PPFIA2: variants seen among roughly 807,000 people sequenced by gnomAD.
PPFIA2 encodes the protein liprin-alpha-2.
In PPFIA2, 46 loss-of-function variants were observed where a neutral mutation model predicts 175.5. The ratio of observed to expected loss-of-function variants is 0.26; its 90% confidence interval spans 0.21 to 0.34. PPFIA2 has a LOEUF of 0.34. PPFIA2 is among the 10% of genes least tolerant of loss of function. The probability of loss-of-function intolerance (pLI) is 1.00; values close to 1 mark genes in which losing one functional copy is unlikely to be tolerated. For missense variants in PPFIA2, 1,179 were observed against 1,506.1 expected (o/e 0.78, Z 3.60); for synonymous variants, 568 against 511.4 (o/e 1.11, Z -1.49).
At chr12:81,666,711 T>G (rs1031088157) in intron 4 of PPFIA2, among the ~76,000 whole-genome samples, 12 of 152,058 alleles carry the variant, frequency 7.9e-5, no homozygotes, top group African/African-American at 2.4e-4. Flanking sequence ...TGTATACATA[T>G]GTAACTAACC....
chr12:81,726,558 T>C (rs1316264271), intron 3 of PPFIA2, among the ~76,000 whole-genome samples: 1 of 151,330 alleles, frequency 6.6e-6, no homozygotes, highest in Non-Finnish European at 1.5e-5. Flanking sequence ...TTTGGGAATG[T>C]TCATAGTTGA....
At chr12:81,584,069 T>A (rs980159960) in intron 4 of PPFIA2, among the ~76,000 whole-genome samples, 2 of 152,054 alleles carry the variant, frequency 1.3e-5, no homozygotes, top group Non-Finnish European at 2.9e-5. Flanking sequence ...TCTATTAAAA[T>A]ATTTGTTTTA....
chr12:81,503,336 A>G (rs539246145), intron 4 of PPFIA2, among the ~76,000 whole-genome samples: 5 of 152,242 alleles, frequency 3.3e-5, no homozygotes, highest in African/African-American at 1.2e-4. Flanking sequence ...GTCCAAAAAA[A>G]CAAAACAAAA....
intron 7 of PPFIA2, among the ~76,000 whole-genome samples, chr12:81,415,696 C>T (rs2045101413): frequency 6.9e-6 from 1 of 145,260 alleles, no homozygotes; most frequent in Non-Finnish European, 1.5e-5. Flanking sequence ...CAGAATGATT[C>T]CAATAGCAAA....
intron 11 of PPFIA2, among the ~76,000 whole-genome samples, chr12:81,370,658 C>T (rs1336472467): frequency 1.3e-5 from 2 of 151,784 alleles, no homozygotes; most frequent in African/African-American, 4.8e-5. Flanking sequence ...CTCATGTTTG[C>T]CCAGTGCCAA....
intron 4 of PPFIA2, among the ~76,000 whole-genome samples, chr12:81,519,406 A>G (rs374467581): frequency 6.6e-6 from 1 of 152,214 alleles, no homozygotes; most frequent in South Asian, 2.1e-4. Context: ...CATCAGGTAA[A>G]TCAACCATGA....
intron 25 of PPFIA2, 99 bp downstream of exon 25, chr12:81,284,142 C>T: frequency 4.4e-6 from 4 of 904,618 alleles, no homozygotes; most frequent in Admixed American, 2.2e-5. Flanking sequence ...TATAAAAACA[C>T]ACCCTATTAC....
At position 81,461,771 on chromosome 12, in the gene PPFIA2, T is replaced by C. The variant is rs116145260; in HGVS notation, c.304-3905A>G. 4.2e-3 allele frequency among the ~76,000 whole-genome samples: 646 copies of C among 152,186 alleles called. 5 individuals carry two copies. The highest frequency in any genetic ancestry group is 0.015 in the African/African-American group (615 of 41,548). On this transcript the variant is annotated intron_variant, in intron 4 of 32. Coordinates refer to ENST00000549396, the MANE Select transcript of PPFIA2 (RefSeq NM_003625.5). ...TTTTTCAACTTTTTTTCTTGTTTCT[T>C]TCACAAACTACCTACTGTGCCTCAA... is the stretch of plus-strand genomic sequence containing the variant.
chr12:81,583,510 A>G (rs1003504092), intron 4 of PPFIA2, among the ~76,000 whole-genome samples: 1 of 151,960 alleles, frequency 6.6e-6, no homozygotes, highest in Admixed American at 6.6e-5. Context: ...TTGTCATGCA[A>G]ATAACCTAGA....
chr12:81,442,659 A>G (rs1224143231), intron 6 of PPFIA2, among the ~76,000 whole-genome samples: 1 of 150,910 alleles, frequency 6.6e-6, no homozygotes, highest in African/African-American at 2.4e-5. Flanking sequence ...TGAATATTCT[A>G]TGCTACAACT....
intron 22 of PPFIA2, among the ~76,000 whole-genome samples, chr12:81,308,626 T>A (rs2049953089): frequency 6.6e-6 from 1 of 152,228 alleles, no homozygotes; most frequent in Non-Finnish European, 1.5e-5. Context: ...TCTTTTCCTA[T>A]GGTTCATTTG....
At chr12:81,741,597 C>A (rs2082330242) in intron 3 of PPFIA2, among the ~76,000 whole-genome samples, 2 of 150,612 alleles carry the variant, frequency 1.3e-5, no homozygotes, top group African/African-American at 4.9e-5. Flanking sequence ...AACATAAATT[C>A]ATAAACTTTC....
At chr12:81,521,825 A>C (rs35934474) in intron 4 of PPFIA2, among the ~76,000 whole-genome samples, 10,817 of 151,866 alleles carry the variant, frequency 0.071, 536 homozygotes, top group East Asian at 0.2. Context: ...CTCACAAAAA[A>C]AAAAAAAAAA....
At chr12:81,565,316 C>A (rs2071058639) in intron 4 of PPFIA2, among the ~76,000 whole-genome samples, 1 of 152,144 alleles carries the variant, frequency 6.6e-6, no homozygotes, top group Non-Finnish European at 1.5e-5. Flanking sequence ...ACTAGACTGG[C>A]CTAGCCTCCC....
chr12:81,624,626 A>G (rs1016888655), intron 4 of PPFIA2, among the ~76,000 whole-genome samples: 2 of 146,550 alleles, frequency 1.4e-5, no homozygotes, highest in Non-Finnish European at 3.0e-5. Flanking sequence ...TTATATATAT[A>G]ATATATATTA....
At chr12:81,673,278 G>C (rs1379214889) in intron 4 of PPFIA2, among the ~76,000 whole-genome samples, 6 of 152,018 alleles carry the variant, frequency 3.9e-5, no homozygotes, top group African/African-American at 1.4e-4. Flanking sequence ...ATACATAACA[G>C]AGTTCATGCA....
intron 8 of PPFIA2, among the ~76,000 whole-genome samples, chr12:81,393,203 T>C (rs2040472182): frequency 6.6e-6 from 1 of 152,042 alleles, no homozygotes; most frequent in South Asian, 2.1e-4. Context: ...AATAAACATG[T>C]TAATGATTGA....
At chr12:81,278,319 GATC>G (rs2041097351) in intron 27 of PPFIA2, among the ~76,000 whole-genome samples, 3 of 152,092 alleles carry the variant, frequency 2.0e-5, no homozygotes, top group Admixed American at 2.0e-4. Context: ...GAGGTGGGTG[GATC>G]ACGTGGTCAG....
At chr12:81,323,203 C>A (rs967346547) in intron 22 of PPFIA2, among the ~76,000 whole-genome samples, 1 of 151,332 alleles carries the variant, frequency 6.6e-6, no homozygotes, top group African/African-American at 2.5e-5. Flanking sequence ...GCTATCCTAG[C>A]AAATTTGAAA....
Sources: gnomAD v4.1 joint callset for allele counts (sites outside exome capture counted in the v4.1 genomes callset) on GRCh38, gnomAD v4.1.1 for gene constraint, MANE v1.5 for transcripts, NCBI Gene and HGNC (gene_info 2026-07-23, HGNC 2026-07-21) for gene names.